Variants in PCDHGA2 observed in about 807,000 individuals in gnomAD.
The protein encoded by PCDHGA2 is protocadherin gamma subfamily A, 2.
A neutral mutation model predicts 59.2 loss-of-function variants in PCDHGA2; 40 were observed. That is an observed-to-expected ratio of 0.68 (90% CI 0.52 to 0.88). The LOEUF (loss-of-function observed/expected upper bound fraction) is 0.88. Among genes scored for constraint, PCDHGA2 ranks in the 40% least tolerant of loss-of-function variants. The pLI is 0.00. For missense variants in PCDHGA2, 1,226 were observed against 1,204.0 expected, an observed-to-expected ratio of 1.02 and a Z score of -0.27; for synonymous variants, 560 against 526.0, an observed-to-expected ratio of 1.06 and a Z score of -0.89.
intron 1 of PCDHGA2, chr5:141,399,023 C>T: frequency 6.2e-7 from 1 of 1,613,914 alleles, no homozygotes; most frequent in African/African-American, 1.3e-5. Flanking sequence ...GAAATTACCA[C>T]TCAAAAGAAA....
chr5:141,344,264 G>C, intron 1 of PCDHGA2: 2 of 1,614,094 alleles, frequency 1.2e-6, no homozygotes, highest in Non-Finnish European at 1.7e-6. Flanking sequence ...TTTTCTCTCT[G>C]AATCCGCAAA....
At chr5:141,374,051 C>T in intron 1 of PCDHGA2, 1 of 1,476,382 alleles carries the variant, frequency 6.8e-7, no homozygotes, top group Non-Finnish European at 9.0e-7. Context: ...TCTTCCTCTT[C>T]TTAATCCCAG....
intron 1 of PCDHGA2, chr5:141,421,442 A>G (rs769354611): frequency 1.7e-5 from 27 of 1,613,990 alleles, no homozygotes; most frequent in Non-Finnish European, 2.2e-5. Context: ...TCCAGAGGGA[A>G]GACACAGCTT....
At chr5:141,365,961 G>T in intron 1 of PCDHGA2, 1 of 1,614,244 alleles carries the variant, frequency 6.2e-7, no homozygotes, top group Non-Finnish European at 8.5e-7. Context: ...CCACTTAGCA[G>T]CAACGTGTCG....
At chr5:141,391,287 A>G (rs1429932607) in intron 1 of PCDHGA2, 1 of 152,126 alleles carries the variant, frequency 6.6e-6, no homozygotes, top group Non-Finnish European at 1.5e-5. Flanking sequence ...TTGCTGAAAG[A>G]AGGAAACGTC....
At chr5:141,393,876 C>A in intron 1 of PCDHGA2, 1 of 1,613,862 alleles carries the variant, frequency 6.2e-7, no homozygotes, top group Non-Finnish European at 8.5e-7. Context: ...TTTGTTTAGC[C>A]CAGTGTTAGA....
At chr5:141,406,267 G>A (rs2094786630) in intron 1 of PCDHGA2, among the ~76,000 whole-genome samples, 1 of 151,854 alleles carries the variant, frequency 6.6e-6, no homozygotes, top group African/African-American at 2.4e-5. Context: ...CGATCTTCCT[G>A]CTTCAGTTTC....
At position 141,487,144 on chromosome 5, in the gene PCDHGA2, C is replaced by T. The variant is rs2099640304; in HGVS notation, c.2425-7663C>T. The T allele has an allele frequency of 6.2e-7, 1 of 1,614,032 alleles. No homozygotes were observed. Among genetic ancestry groups the T allele is most frequent in the African/African-American group, 1.3e-5 (1 of 75,056 alleles). On this transcript the variant is annotated intron_variant, in intron 1 of 3. Coordinates refer to ENST00000394576, the MANE Select transcript of PCDHGA2 (RefSeq NM_018915.4). This position sits in a 1 kb window ranked among gnomAD's most constrained non-coding sequence, Gnocchi z 5.0. ...ATAGTGGTAGTCCACCACTCTCTAC[C>T]TCTGTTACTCTCTTAGTGTCCTTAG...
At chr5:141,425,686 A>C (rs1026122573) in intron 1 of PCDHGA2, among the ~76,000 whole-genome samples, 4 of 152,252 alleles carry the variant, frequency 2.6e-5, no homozygotes, top group Non-Finnish European at 5.9e-5. Context: ...AATACTGCAT[A>C]TCATTTCATA....
intron 1 of PCDHGA2, chr5:141,384,443 A>T: frequency 6.2e-7 from 1 of 1,614,030 alleles, no homozygotes; most frequent in Non-Finnish European, 8.5e-7. Context: ...GGAGTCCTGT[A>T]CGCGCTGCAA....
chr5:141,453,848 C>T (rs1045684685), intron 1 of PCDHGA2, among the ~76,000 whole-genome samples: 38 of 152,290 alleles, frequency 2.5e-4, no homozygotes, highest in Non-Finnish European at 4.4e-4. Context: ...GTCCACAGAG[C>T]ACTTTGAAAA....
rs1561728654 is a variant in PCDHGA2, at chr5:141,410,479, G to C, written c.2424+69084G>C. 3.7e-6 allele frequency: 6 copies of C among 1,613,838 alleles called. No homozygotes were observed. In the African/African-American group the frequency reaches 8.0e-5, roughly 22 times the overall value. ...CTTATAATCTGTGCATTGCACATAC[G>C]GGTACAAAAGAGTTTAATTTCCTAA... On this transcript the variant is annotated intron_variant, in intron 1 of 3. Coordinates refer to ENST00000394576, the MANE Select transcript of PCDHGA2 (RefSeq NM_018915.4).
At chr5:141,392,719 C>CCG in intron 1 of PCDHGA2, 1 of 1,383,098 alleles carries the variant, frequency 7.2e-7, no homozygotes, top group African/African-American at 1.5e-5. Context: ...TCCAGGTTTC[C>CCG]GGAGGATTGT....
At chr5:141,410,393 C>G in intron 1 of PCDHGA2, 3 of 1,614,046 alleles carry the variant, frequency 1.9e-6, no homozygotes, top group Non-Finnish European at 2.5e-6. Flanking sequence ...CCATCCTGGT[C>G]TCTGTGTCAA....
chr5:141,414,554 C>G (rs1184557964), intron 1 of PCDHGA2: 3 of 1,613,880 alleles, frequency 1.9e-6, no homozygotes, highest in East Asian at 2.2e-5. Context: ...TCTCAAGTCT[C>G]CTACTTTACC....
At chr5:141,497,956 C>T (rs2099780659) in intron 2 of PCDHGA2, among the ~76,000 whole-genome samples, 1 of 152,214 alleles carries the variant, frequency 6.6e-6, no homozygotes, top group African/African-American at 2.4e-5. Flanking sequence ...TTCTGTTGGC[C>T]AGGCAGTGTT....
rs752744809 is a variant in PCDHGA2, at chr5:141,393,680, T to C, written c.2424+52285T>C. On this transcript the variant is annotated intron_variant, in intron 1 of 3. Coordinates refer to ENST00000394576, the MANE Select transcript of PCDHGA2 (RefSeq NM_018915.4). The stretch of plus-strand genomic sequence containing the variant: ...TCCGGAAAATTAATGAAAAACAAAC[T>C]CCGTTATTCCAGCTTAATGAAAATA... 8 of 1,613,764 alleles carry C rather than the reference T, an allele frequency of 5.0e-6. No individual in the cohort carries two copies. The East Asian group carries it at 1.1e-4, about 22-fold the overall frequency.
At chr5:141,427,280 A>G (rs1351534612) in intron 1 of PCDHGA2, 3 of 456,834 alleles carry the variant, frequency 6.6e-6, no homozygotes, top group Non-Finnish European at 8.8e-6. Context: ...GTAAAATTAT[A>G]CTAGAAATCC....
At chr5:141,356,880 T>C in intron 1 of PCDHGA2, 3 of 1,614,204 alleles carry the variant, frequency 1.9e-6, no homozygotes, top group Non-Finnish European at 8.5e-7. Flanking sequence ...ACAATGTCCC[T>C]GAGATCCTGT....
Sources: allele counts gnomAD v4.1 joint callset (sites outside exome capture counted in the v4.1 genomes callset), GRCh38; gene constraint gnomAD v4.1.1; non-coding constraint Gnocchi (gnomAD v3.1); transcripts MANE v1.5; gene names NCBI Gene and HGNC (gene_info 2026-07-23, HGNC 2026-07-21).